Variants in ASB18 observed in about 807,000 individuals in gnomAD.
ASB18 encodes the protein ankyrin repeat and SOCS box containing 18, also known as ankyrin repeat and SOCS box protein 18.
In ASB18, 33 loss-of-function variants were observed where a neutral mutation model predicts 33.4. The ratio of observed to expected loss-of-function variants is 0.99; its 90% CI spans 0.75 to 1.32. ASB18 has a LOEUF of 1.32. Ranked by LOEUF, ASB18 falls within the 40% of genes most tolerant of loss-of-function variation. The pLI is 0.00. For missense variants in ASB18, 694 were observed against 655.5 expected (o/e 1.06, Z -0.64); for synonymous variants, 295 against 307.6 (o/e 0.96, Z 0.43).
Position 236,205,521 on chromosome 2 carries a change from A to T in ASB18, c.1101+8841T>A, listed in dbSNP as rs2060428413. Reference sequence around the variant, plus strand: ...TCCTTATCACTTTTTTGGTCTGTTGATCATGCTCAATATTTAATGCCTGTC... The same window carrying T: ...TCCTTATCACTTTTTTGGTCTGTTGTTCATGCTCAATATTTAATGCCTGTC... On this transcript the variant is annotated intron_variant, in intron 4 of 5. Coordinates refer to ENST00000409749, the MANE Select transcript of ASB18 (RefSeq NM_212556.4). The surrounding 1 kb of genome is among the most constrained non-coding windows in gnomAD (Gnocchi z 5.4). Among the ~76,000 whole-genome samples the T allele has an allele frequency of 6.6e-6, 1 of 152,126 alleles. No individual in the cohort carries two copies.
chr2:236,262,270 C>A lies in ASB18; in HGVS notation c.205+1871G>T, dbSNP rs569411072. 1.1e-4 allele frequency among the ~76,000 whole-genome samples: 16 copies of A among 152,318 alleles called. No homozygotes were observed. In the South Asian group the frequency reaches 2.5e-3, roughly 24 times the overall value. Reference sequence around the variant, plus strand: ...AGAGGACGCTTGCTGTAGTCAGGATCCCAACAGAAAGCAGATGGCATGAGC... The same window carrying A: ...AGAGGACGCTTGCTGTAGTCAGGATACCAACAGAAAGCAGATGGCATGAGC... On this transcript the variant is annotated intron_variant, in intron 1 of 5. Transcript: ENST00000409749. The surrounding 1 kb of genome is among the most constrained non-coding windows in gnomAD (Gnocchi z 5.2).
rs1489746089 is a variant in ASB18, at chr2:236,219,347, C to G, written c.597-4481G>C. Among the ~76,000 whole-genome samples the G allele has an allele frequency of 6.6e-6, 1 of 152,194 alleles. No homozygotes were observed. The highest frequency in any genetic ancestry group is 2.4e-5 in the African/African-American group (1 of 41,446). On this transcript the variant is annotated intron_variant, in intron 3 of 5. Coordinates refer to ENST00000409749, the MANE Select transcript of ASB18 (RefSeq NM_212556.4). This position sits in a 1 kb window ranked among gnomAD's most constrained non-coding sequence, Gnocchi z 6.4. ...TTATTAATAACAAAACCATCCCCACCTGCTCCAGCAACAGCTCCTGGATCC... is the reference window on the plus strand; with the variant it reads ...TTATTAATAACAAAACCATCCCCACGTGCTCCAGCAACAGCTCCTGGATCC...
At position 236,219,853 on chromosome 2, in the gene ASB18, A is replaced by G. The variant is rs1297221273; in HGVS notation, c.597-4987T>C. On this transcript the variant is annotated intron_variant, in intron 3 of 5. Coordinates refer to ENST00000409749, the MANE Select transcript of ASB18 (RefSeq NM_212556.4). The surrounding 1 kb of genome is among the most constrained non-coding windows in gnomAD (Gnocchi z 6.4). ...GCAAAAGTCAGAAAGGCCTGGGGTC[A>G]GGGTAGAACAGTCACCGTTGGGATC... Among the ~76,000 whole-genome samples, 3 of 152,192 alleles carry G rather than the reference A, an allele frequency of 2.0e-5. No individual in the cohort carries two copies. Among genetic ancestry groups the G allele is most frequent in the African/African-American group, 7.2e-5 (3 of 41,452 alleles).
At chr2:236,224,009 G>A (rs529676423) in intron 3 of ASB18, among the ~76,000 whole-genome samples, 2 of 151,956 alleles carry the variant, frequency 1.3e-5, no homozygotes, top group East Asian at 3.9e-4. Context: ...AGTCTTCCTG[G>A]GGACATATGT....
intron 3 of ASB18, among the ~76,000 whole-genome samples, chr2:236,218,755 A>T (rs989934491): frequency 6.7e-6 from 1 of 148,166 alleles, no homozygotes; most frequent in African/African-American, 2.5e-5. Flanking sequence ...CCAAGATCAC[A>T]CCACTGCACT....
chr2:236,194,737 T>A lies in ASB18; in HGVS notation c.*135A>T. 5 of 740,798 alleles carry A rather than the reference T, an allele frequency of 6.7e-6. No homozygotes were observed. Among genetic ancestry groups the A allele is most frequent in the Non-Finnish European group, 1.1e-5 (5 of 469,186 alleles). 45.9% of individuals were successfully genotyped at this position (740,798 alleles called of 1,614,324 possible). On this transcript the variant is annotated 3_prime_UTR_variant, in exon 6 of 6. Coordinates refer to ENST00000409749, the MANE Select transcript of ASB18 (RefSeq NM_212556.4). The surrounding 1 kb of genome is among the most constrained non-coding windows in gnomAD (Gnocchi z 4.5). ...ACCTGAAGCTTGGCAAGGTCTGTGC[T>A]TCACCCGGTCCCACGGAGAGCAAGT...
Position 236,250,867 on chromosome 2 carries a change from G to T in ASB18, c.206-9465C>A, listed in dbSNP as rs1397450627. ...AGACATTAATATCAAAAATGTTAAA[G>T]TATCTCAACCTCCTCTCTGAATAAC... On this transcript the variant is annotated intron_variant, in intron 1 of 5. Transcript: ENST00000409749. The surrounding 1 kb of genome is among the most constrained non-coding windows in gnomAD (Gnocchi z 4.1). 6 of 152,214 alleles carry T rather than the reference G, an allele frequency of 3.9e-5. No individual in the cohort carries two copies. The highest frequency in any genetic ancestry group is 7.3e-5 in the Non-Finnish European group (5 of 68,040). The allele number at this position is 152,214 out of a possible 1,614,324, so 9.4% of individuals were successfully genotyped here.
rs569351564 is a variant in ASB18, at chr2:236,237,220, C to T, written c.596+469G>A. On this transcript the variant is annotated intron_variant, in intron 3 of 5. Transcript: ENST00000409749. This position sits in a 1 kb window ranked among gnomAD's most constrained non-coding sequence, Gnocchi z 6.2. Reference sequence around the variant, plus strand: ...AAACCCTAATTTTTCAGCCTCCAACCCCGCCAGTGGCCTTTTAGCATCCCC... The same window carrying T: ...AAACCCTAATTTTTCAGCCTCCAACTCCGCCAGTGGCCTTTTAGCATCCCC... Among the ~76,000 whole-genome samples, 1 of 152,242 alleles carries T rather than the reference C, an allele frequency of 6.6e-6. No individual in the cohort carries two copies. Among genetic ancestry groups the T allele is most frequent in the South Asian group, 2.1e-4 (1 of 4,832 alleles).
rs1443065980 is a variant in ASB18, at chr2:236,241,208, G to A, written c.328+72C>T. ...GCCACTGTGCCCAGTCTACACACGG[G>A]AGCCTTACACTCCCAGAGAGTATTA... On this transcript the variant is annotated intron_variant, in intron 2 of 5. Coordinates refer to ENST00000409749, the MANE Select transcript of ASB18 (RefSeq NM_212556.4). This position sits in a 1 kb window ranked among gnomAD's most constrained non-coding sequence, Gnocchi z 4.2. 1.4e-6 allele frequency: 2 copies of A among 1,481,290 alleles called. No individual in the cohort carries two copies. The highest frequency in any genetic ancestry group is 4.5e-5 in the East Asian group (2 of 44,048). 91.8% of individuals were successfully genotyped at this position (1,481,290 alleles called of 1,614,324 possible). A position where few individuals can be genotyped will look rare whatever the true frequency, so the allele number is the denominator to read the frequency against.
At position 236,223,402 on chromosome 2, in the gene ASB18, G is replaced by A. The variant is rs1173030885; in HGVS notation, c.597-8536C>T. ...AAGAGGAAGACCCAGTAGCATCAGA[G>A]TGAGTGGAAAGAAAAGGAGGAAATG... On this transcript the variant is annotated intron_variant, in intron 3 of 5. Transcript: ENST00000409749. The surrounding 1 kb of genome is among the most constrained non-coding windows in gnomAD (Gnocchi z 4.6). 6.6e-6 allele frequency among the ~76,000 whole-genome samples: 1 copy of A among 152,164 alleles called. No homozygotes were observed. Among genetic ancestry groups the A allele is most frequent in the African/African-American group, 2.4e-5 (1 of 41,430 alleles).
In ASB18 at chr2:236,252,556, C is replaced by A. The variant is rs1400070912; in HGVS notation, c.206-11154G>T. 1.3e-5 allele frequency among the ~76,000 whole-genome samples: 2 copies of A among 152,126 alleles called. No homozygotes were observed. Among genetic ancestry groups the A allele is most frequent in the Non-Finnish European group, 2.9e-5 (2 of 68,020 alleles). On this transcript the variant is annotated intron_variant, in intron 1 of 5. Coordinates refer to ENST00000409749, the MANE Select transcript of ASB18 (RefSeq NM_212556.4). The surrounding 1 kb of genome is among the most constrained non-coding windows in gnomAD (Gnocchi z 7.9). ...ATTTCCTCCCCAGGATGTCTGTTTT[C>A]TCCTCTTGATCTATTGTTGCGGGGA...
intron 3 of ASB18, among the ~76,000 whole-genome samples, chr2:236,227,753 T>C (rs1342403782): frequency 6.6e-6 from 1 of 151,976 alleles, no homozygotes; most frequent in East Asian, 1.9e-4. Context: ...TGTCCTTTAA[T>C]GAAGCTGATG....
rs145841932 is a variant in ASB18 at position 236,205,628 on chromosome 2, G to A, written c.1101+8734C>T. Among the ~76,000 whole-genome samples, 143 of 152,298 alleles carry A rather than the reference G, an allele frequency of 9.4e-4. No homozygotes were observed. Among genetic ancestry groups the A allele is most frequent in the African/African-American group, 3.3e-3 (139 of 41,568 alleles). ...TTCACTCACTTATCCTATGTGCCTA[G>A]TATATTGCTGGGACATGACTGGTGC... On this transcript the variant is annotated intron_variant, in intron 4 of 5. Coordinates refer to ENST00000409749, the MANE Select transcript of ASB18 (RefSeq NM_212556.4). This position sits in a 1 kb window ranked among gnomAD's most constrained non-coding sequence, Gnocchi z 5.4.
intron 2 of ASB18, among the ~76,000 whole-genome samples, chr2:236,240,611 A>G (rs1369144403): frequency 6.6e-6 from 1 of 152,204 alleles, no homozygotes; most frequent in Non-Finnish European, 1.5e-5. Context: ...CATGGTGGTC[A>G]GCAAGTGTCT....
In ASB18 at chr2:236,216,160, C is replaced by G. The variant is rs76875674; in HGVS notation, c.597-1294G>C. 1.3e-5 allele frequency among the ~76,000 whole-genome samples: 2 copies of G among 152,178 alleles called. No homozygotes were observed. The highest frequency in any genetic ancestry group is 1.3e-4 in the Admixed American group (2 of 15,288). On this transcript the variant is annotated intron_variant, in intron 3 of 5. Transcript: ENST00000409749. This position sits in a 1 kb window ranked among gnomAD's most constrained non-coding sequence, Gnocchi z 6.1. The stretch of plus-strand genomic sequence containing the variant: ...GGGTCTGCCGAGCCCTGTTGGAGGA[C>G]GCAGCCTTCATGGAGCTGGCCTTGG...
In ASB18 at chr2:236,245,743, G is replaced by A. The variant is rs2060641710; in HGVS notation, c.206-4341C>T. On this transcript the variant is annotated intron_variant, in intron 1 of 5. Coordinates refer to ENST00000409749, the MANE Select transcript of ASB18 (RefSeq NM_212556.4). The surrounding 1 kb of genome is among the most constrained non-coding windows in gnomAD (Gnocchi z 4.7). ...ATGAGCTTTTTTGGAGGACGGTGGG[G>A]GCTGCTGCTTCCTCTCTGGGAAGTT... 1.3e-5 allele frequency among the ~76,000 whole-genome samples: 2 copies of A among 152,284 alleles called. No homozygotes were observed. Among genetic ancestry groups the A allele is most frequent in the African/African-American group, 2.4e-5 (1 of 41,550 alleles).
At chr2:236,243,446 T>C (rs1216357267) in intron 1 of ASB18, among the ~76,000 whole-genome samples, 2 of 151,914 alleles carry the variant, frequency 1.3e-5, no homozygotes, top group Non-Finnish European at 2.9e-5. Flanking sequence ...CCATGACCAG[T>C]GATGAGCAGA....
At chr2:236,254,405 G>A (rs558565240) in intron 1 of ASB18, among the ~76,000 whole-genome samples, 5 of 151,900 alleles carry the variant, frequency 3.3e-5, no homozygotes, top group South Asian at 2.1e-4. Context: ...CCAGGCATGC[G>A]AGCCCACACA....
In ASB18 at chr2:236,237,865, G is replaced by A. The variant is rs912281086; in HGVS notation, c.420C>T (p.Leu140=). Residue 140 remains leucine, a synonymous_variant, in exon 3 of 6, where the codon CTC becomes CTT. Transcript: ENST00000409749. This position sits in a 1 kb window ranked among gnomAD's most constrained non-coding sequence, Gnocchi z 6.2. ...HGHTACVRHL[L]GRGADPDASP... is the part of the protein sequence containing the mutation. ...TGGCGTCTGGGTCTGCGCCGCGGCC[G>A]AGCAGGTGTCGCACGCAGGCGGTGT... 4.8e-6 allele frequency: 7 copies of A among 1,472,810 alleles called. No homozygotes were observed. The highest frequency in any genetic ancestry group is 2.9e-5 in the African/African-American group (2 of 67,900). 91.2% of individuals were successfully genotyped at this position (1,472,810 alleles called of 1,614,324 possible).
Sources: allele counts gnomAD v4.1 joint callset (sites outside exome capture counted in the v4.1 genomes callset), GRCh38; gene constraint gnomAD v4.1.1; non-coding constraint Gnocchi (gnomAD v3.1); transcripts MANE v1.5; gene names NCBI Gene and HGNC (gene_info 2026-07-23, HGNC 2026-07-21).